The following COL13A1 variants were observed in gnomAD, a reference collection of about 807,000 sequenced individuals.
The protein encoded by COL13A1 is collagen type XIII alpha 1 chain.
A neutral mutation model predicts 130.9 loss-of-function variants in COL13A1; 89 were observed. The ratio of observed to expected loss-of-function variants is 0.68; its 90% CI spans 0.57 to 0.81. The LOEUF is 0.81. COL13A1 is among the 30% of genes least tolerant of loss of function. The pLI is 0.00. For synonymous variants in COL13A1, 402 were observed against 341.6 expected (o/e 1.18, Z -1.95); for missense variants, 879 against 934.6 (o/e 0.94, Z 0.78).
rs1302335022 is a variant in COL13A1 at position 69,867,709 on chromosome 10, T to C, written c.365-89T>C. On this transcript the variant is annotated intron_variant, in intron 2 of 40. Transcript: ENST00000645393. Reference sequence around the variant, plus strand: ...GACCAGATGGAAACCCCTCCGCTGATGAATCCTTGGACACTGCTTCCAAGG... The same window carrying C: ...GACCAGATGGAAACCCCTCCGCTGACGAATCCTTGGACACTGCTTCCAAGG... The C allele has an allele frequency of 2.8e-5, 20 of 705,072 alleles. No homozygotes were observed. The East Asian group carries it at 5.4e-4, about 19-fold the overall frequency. The allele number at this position is 705,072 out of a possible 1,614,324, so 43.7% of individuals were successfully genotyped here. A position where few individuals can be genotyped will look rare whatever the true frequency, so the allele number is the denominator to read the frequency against.
chr10:69,810,347 T>A (rs11596025), intron 1 of COL13A1, among the ~76,000 whole-genome samples: 7,364 of 119,746 alleles, frequency 0.061, 422 homozygotes, highest in Admixed American at 0.11. Flanking sequence ...GCCCTGAGAA[T>A]GAGAGAGAGA....
chr10:69,892,554 G>C (rs1022007157), intron 10 of COL13A1, among the ~76,000 whole-genome samples: 1 of 152,198 alleles, frequency 6.6e-6, no homozygotes, highest in Non-Finnish European at 1.5e-5. Flanking sequence ...CCACCCACAG[G>C]GCTGTCGAGT....
intron 2 of COL13A1, among the ~76,000 whole-genome samples, chr10:69,839,939 AT>A (rs34722561): frequency 3.9e-5 from 6 of 152,166 alleles, no homozygotes; most frequent in African/African-American, 1.2e-4. Flanking sequence ...TCTGGGCTAC[AT>A]TTTCCAGTCC....
In COL13A1 at chr10:69,807,393, C is replaced by A. The variant is rs570997126; in HGVS notation, c.294+4676C>A. The stretch of plus-strand genomic sequence containing the variant: ...ACTTCCAAGCTAAAATGTTAAGGAA[C>A]CCCAGGCAGACTCCTTCATCCCTAA... On this transcript the variant is annotated intron_variant, in intron 1 of 40. Transcript: ENST00000645393. Among the ~76,000 whole-genome samples, 166 of 152,180 alleles carry A rather than the reference C, an allele frequency of 1.1e-3. 4 individuals are homozygous for A. The highest frequency in any genetic ancestry group is 3.9e-4 in the Admixed American group (6 of 15,288).
At chr10:69,943,504 C>A (rs961998598) in intron 35 of COL13A1, among the ~76,000 whole-genome samples, 1 of 152,204 alleles carries the variant, frequency 6.6e-6, no homozygotes, top group Admixed American at 6.5e-5. Flanking sequence ...GCTAGCAGAG[C>A]TCATGACACG....
At chr10:69,920,914 G>A (rs2064576175) in intron 21 of COL13A1, among the ~76,000 whole-genome samples, 2 of 152,166 alleles carry the variant, frequency 1.3e-5, no homozygotes, top group South Asian at 2.1e-4. Flanking sequence ...CACCAAATCT[G>A]TGAAATGAGA....
intron 7 of COL13A1, among the ~76,000 whole-genome samples, chr10:69,886,220 A>G (rs2060585335): frequency 6.6e-6 from 1 of 152,210 alleles, no homozygotes. Flanking sequence ...TCAGTTCAAC[A>G]AGTGTCTGAT....
chr10:69,816,893 T>C (rs979880939), intron 1 of COL13A1, among the ~76,000 whole-genome samples: 2 of 152,154 alleles, frequency 1.3e-5, no homozygotes, highest in African/African-American at 4.8e-5. Context: ...GCGAAGATTG[T>C]CATCCAGGAG....
At chr10:69,846,464 C>G (rs1181813346) in intron 2 of COL13A1, among the ~76,000 whole-genome samples, 2 of 152,174 alleles carry the variant, frequency 1.3e-5, no homozygotes, top group Non-Finnish European at 2.9e-5. Flanking sequence ...ACCTGCCCGC[C>G]CAACTCTTGT....
At position 69,905,795 on chromosome 10, in the gene COL13A1, A is replaced by G; in HGVS notation, c.894A>G (p.Pro298=). Residue 298 remains proline, a synonymous_variant, in exon 17 of 41, where the codon CCA becomes CCG. Transcript: ENST00000645393. ...TCTCTTTGTTTTCCCAGGGAGACCC[A>G]GGGATCCAGGGCTACCACGGCCGGA... ...LPGPPGPKGD[P]GIQGYHGRKG... 1 of 1,613,680 alleles carries G rather than the reference A, an allele frequency of 6.2e-7. No individual in the cohort carries two copies. Among genetic ancestry groups the G allele is most frequent in the Non-Finnish European group, 8.5e-7 (1 of 1,179,802 alleles).
chr10:69,853,693 T>C (rs1014898808), intron 2 of COL13A1, among the ~76,000 whole-genome samples: 7 of 152,302 alleles, frequency 4.6e-5, no homozygotes, highest in Admixed American at 3.3e-4. Context: ...AACTCAAAGA[T>C]AAATCACGTT....
chr10:69,808,519 C>T (rs1842158342), intron 1 of COL13A1, among the ~76,000 whole-genome samples: 1 of 152,242 alleles, frequency 6.6e-6, no homozygotes, highest in Non-Finnish European at 1.5e-5. Context: ...CCTAGGTAGG[C>T]CTCGGAATCC....
intron 5 of COL13A1, among the ~76,000 whole-genome samples, chr10:69,876,741 C>G (rs2059609142): frequency 6.6e-6 from 1 of 152,292 alleles, no homozygotes; most frequent in Admixed American, 6.5e-5. Flanking sequence ...CCTCTGAGCC[C>G]CTGTCTTCCA....
At chr10:69,901,250 C>T (rs1240749813) in intron 14 of COL13A1, among the ~76,000 whole-genome samples, 1 of 152,208 alleles carries the variant, frequency 6.6e-6, no homozygotes, top group Non-Finnish European at 1.5e-5. Context: ...CTGCCATGGA[C>T]ACCCTGAGCC....
chr10:69,909,782 A>G (rs577441915), intron 17 of COL13A1, among the ~76,000 whole-genome samples: 148 of 152,314 alleles, frequency 9.7e-4, no homozygotes, highest in African/African-American at 3.5e-3. Flanking sequence ...GAATCTTGAG[A>G]TGAAGTGATT....
At chr10:69,905,011 G>A in intron 16 of COL13A1, 52 bp downstream of exon 16, 2 of 1,540,364 alleles carry the variant, frequency 1.3e-6, no homozygotes, top group South Asian at 2.4e-5. Flanking sequence ...TTCCCTGCAG[G>A]AGGGAGGGGG....
intron 2 of COL13A1, among the ~76,000 whole-genome samples, chr10:69,830,936 A>C (rs540478206): frequency 6.6e-6 from 1 of 152,234 alleles, no homozygotes; most frequent in Admixed American, 6.5e-5. Flanking sequence ...GCAAGCGTTA[A>C]TCTACTCTCC....
intron 3 of COL13A1, among the ~76,000 whole-genome samples, chr10:69,868,119 CAAAAAAA>C (rs55856106): frequency 7.1e-5 from 9 of 126,946 alleles, no homozygotes; most frequent in Non-Finnish European, 1.2e-4. Context: ...CTATTGGAGT[CAAAAAAA>C]AAAAAAAAAA....
Position 69,810,376 on chromosome 10 carries a change from G to GAGAGAGACACAGAGAC in COL13A1, c.294+7664_294+7665insGACACAGAGACAGAGA, listed in dbSNP as rs1230051691. On this transcript the variant is annotated intron_variant, in intron 1 of 40. Coordinates refer to ENST00000645393, the MANE Select transcript of COL13A1 (RefSeq NM_001368882.1). ...AGAGAGAGAGAGAGAGAGAGAGAGA[G>GAGAGAGACACAGAGAC]AGAGACAGAGAGTCTGTGTGGCCCA... is the stretch of plus-strand genomic sequence containing the variant. 2.7e-3 allele frequency among the ~76,000 whole-genome samples: 363 copies of GAGAGAGACACAGAGAC among 133,722 alleles called. 10 individuals are homozygous for GAGAGAGACACAGAGAC. Among genetic ancestry groups the GAGAGAGACACAGAGAC allele is most frequent in the Middle Eastern group, 7.7e-3 (2 of 260 alleles). 87.7% of individuals were successfully genotyped at this position (133,722 alleles called of 152,430 possible).
Sources: allele counts gnomAD v4.1 joint callset (sites outside exome capture counted in the v4.1 genomes callset), GRCh38; gene constraint gnomAD v4.1.1; transcripts MANE v1.5; gene names NCBI Gene and HGNC (gene_info 2026-07-23, HGNC 2026-07-21).